The following EPB41L2 variants were observed in gnomAD, a reference collection of about 807,000 sequenced individuals.
The protein encoded by EPB41L2 is band 4.1-like protein 2.
Under a neutral mutation model 113.0 loss-of-function variants are expected in EPB41L2, and 43 were observed. That is an observed-to-expected ratio of 0.38 (90% CI 0.30 to 0.49). EPB41L2 has a LOEUF of 0.49. EPB41L2 is among the 20% of genes least tolerant of loss of function. The pLI is 0.95. For missense variants in EPB41L2, 1,147 were observed against 1,223.4 expected (o/e 0.94, Z 0.93); for synonymous variants, 442 against 436.7 (o/e 1.01, Z -0.15).
intron 1 of EPB41L2, among the ~76,000 whole-genome samples, chr6:131,035,515 C>T (rs1332491): frequency 0.8 from 121,447 of 152,156 alleles, 48,846 homozygotes; most frequent in African/African-American, 0.88. Flanking sequence ...ATCTTTCCAA[C>T]TGAAGTCAAT....
At chr6:130,961,563 A>T (rs1206032273) in intron 1 of EPB41L2, among the ~76,000 whole-genome samples, 1 of 152,222 alleles carries the variant, frequency 6.6e-6, no homozygotes, top group Non-Finnish European at 1.5e-5. Context: ...AGAATACTAC[A>T]GCAAGCAAAG....
intron 3 of EPB41L2, among the ~76,000 whole-genome samples, chr6:130,927,078 G>A (rs989038182): frequency 6.6e-6 from 1 of 152,038 alleles, no homozygotes; most frequent in African/African-American, 2.4e-5. Context: ...CTACTCCCCA[G>A]GAAAATCATT....
In EPB41L2 at chr6:131,017,522, A is replaced by C. The variant is rs138388854; in HGVS notation, c.-15+45633T>G. ...TATGTTAATATATGTAGCTCTATGT[A>C]GTTCATATGCAGCTCACTCATTTTA... On this transcript the variant is annotated intron_variant, in intron 1 of 19. Transcript: ENST00000337057. Among the ~76,000 whole-genome samples, 259 of 152,316 alleles carry C rather than the reference A, an allele frequency of 1.7e-3. 1 individual carries two copies. The highest frequency in any genetic ancestry group is 2.7e-3 in the Non-Finnish European group (181 of 68,020).
chr6:130,872,267 T>C lies in EPB41L2; in HGVS notation c.2044-2141A>G, dbSNP rs1165664919. On this transcript the variant is annotated intron_variant, in intron 14 of 19. Coordinates refer to ENST00000337057, the MANE Select transcript of EPB41L2 (RefSeq NM_001431.4). ...ATGTTTCTCCCAGGAAGAATTAATT[T>C]CACCAATGAAAGCACTGGAGGGAAT... 1.9e-5 allele frequency: 16 copies of C among 860,982 alleles called. No homozygotes were observed. In the East Asian group the frequency reaches 4.4e-4, roughly 24 times the overall value. 53.3% of individuals were successfully genotyped at this position (860,982 alleles called of 1,614,324 possible).
chr6:130,942,436 G>T (rs1339515900), intron 3 of EPB41L2, among the ~76,000 whole-genome samples: 1 of 152,106 alleles, frequency 6.6e-6, no homozygotes, highest in Non-Finnish European at 1.5e-5. Context: ...CAATAGAAAA[G>T]AAATCAAAGA....
At chr6:131,007,493 C>T (rs58565651) in intron 1 of EPB41L2, among the ~76,000 whole-genome samples, 4,009 of 152,042 alleles carry the variant, frequency 0.026, 194 homozygotes, top group African/African-American at 0.092. Flanking sequence ...TAAAGATAAC[C>T]GAAAATGTGG....
Position 130,840,815 on chromosome 6 carries a change from G to A in EPB41L2, c.*6-217C>T, listed in dbSNP as rs550089984. ...AAATACCTGGAGAATTGACAAGTAC[G>A]CTAGAAGCAACTGGCAAATAAGAGT... On this transcript the variant is annotated intron_variant, in intron 19 of 19. Transcript: ENST00000337057. Among the ~76,000 whole-genome samples the A allele has an allele frequency of 4.6e-5, 7 of 152,250 alleles. No individual in the cohort carries two copies. In the South Asian group the frequency reaches 8.3e-4, roughly 18 times the overall value.
chr6:131,021,519 G>A (rs552377820), intron 1 of EPB41L2, among the ~76,000 whole-genome samples: 1 of 152,224 alleles, frequency 6.6e-6, no homozygotes, highest in South Asian at 2.1e-4. Flanking sequence ...AAATTAGGCA[G>A]GCGTGGTGGC....
intron 1 of EPB41L2, among the ~76,000 whole-genome samples, chr6:130,981,621 T>G (rs1779397527): frequency 6.6e-6 from 1 of 152,234 alleles, no homozygotes; most frequent in Non-Finnish European, 1.5e-5. Flanking sequence ...AAGGCACAGC[T>G]GCAAGACATC....
At chr6:130,969,675 A>C (rs937749758) in intron 1 of EPB41L2, among the ~76,000 whole-genome samples, 1 of 152,208 alleles carries the variant, frequency 6.6e-6, no homozygotes, top group Non-Finnish European at 1.5e-5. Context: ...CTGTGAACTC[A>C]AATCTCTGAT....
chr6:130,951,944 G>C (rs1815267159), intron 3 of EPB41L2, among the ~76,000 whole-genome samples: 1 of 152,076 alleles, frequency 6.6e-6, no homozygotes, highest in Non-Finnish European at 1.5e-5. Context: ...GTGTGGAAAA[G>C]AGCCATAACA....
intron 1 of EPB41L2, among the ~76,000 whole-genome samples, chr6:130,994,157 C>A (rs1036527079): frequency 6.6e-6 from 1 of 152,108 alleles, no homozygotes; most frequent in Non-Finnish European, 1.5e-5. Context: ...GCAGAGTAAG[C>A]AGGATGCTAA....
At position 130,850,927 on chromosome 6, in the gene EPB41L2, A is replaced by G. The variant is rs919841322; in HGVS notation, c.*5+7204T>C. Among the ~76,000 whole-genome samples the G allele has an allele frequency of 5.9e-5, 9 of 152,228 alleles. No homozygotes were observed. In the East Asian group the frequency reaches 1.7e-3, roughly 29 times the overall value. ...TAGCAATGTTAAATGAGAACATTCC[A>G]CAGCATTTCAGAGTGAAAACTGGCT... On this transcript the variant is annotated intron_variant, in intron 19 of 19. Transcript: ENST00000337057.
intron 18 of EPB41L2, among the ~76,000 whole-genome samples, chr6:130,859,005 C>G (rs972857030): frequency 6.6e-6 from 1 of 152,184 alleles, no homozygotes; most frequent in African/African-American, 2.4e-5. Flanking sequence ...GCAGGGAGGA[C>G]CCAGAGGGCT....
intron 1 of EPB41L2, among the ~76,000 whole-genome samples, chr6:130,993,484 T>A (rs1284623828): frequency 6.6e-6 from 1 of 152,144 alleles, no homozygotes; most frequent in Non-Finnish European, 1.5e-5. Context: ...AGCGCCTGGG[T>A]GCAGGTGGGC....
chr6:131,029,391 T>TTTAA (rs1212571779), intron 1 of EPB41L2, among the ~76,000 whole-genome samples: 1 of 119,472 alleles, frequency 8.4e-6, no homozygotes, highest in African/African-American at 3.3e-5. Context: ...AGCATTTGTT[T>TTTAA]AAAAAAAAAA....
At chr6:130,962,421 A>T (rs893420344) in intron 1 of EPB41L2, among the ~76,000 whole-genome samples, 4 of 152,204 alleles carry the variant, frequency 2.6e-5, no homozygotes, top group African/African-American at 9.6e-5. Flanking sequence ...CTTAAGTGTC[A>T]GATGGTCTAG....
At chr6:130,897,754 C>T (rs1253789193) in intron 8 of EPB41L2, among the ~76,000 whole-genome samples, 2 of 152,162 alleles carry the variant, frequency 1.3e-5, no homozygotes, top group Non-Finnish European at 2.9e-5. Flanking sequence ...TTAAGACAAT[C>T]TGTTTCACCT....
In EPB41L2 at chr6:130,975,192, T is replaced by C. The variant is rs529803256; in HGVS notation, c.-14-18693A>G. Among the ~76,000 whole-genome samples, 11 of 152,360 alleles carry C rather than the reference T, an allele frequency of 7.2e-5. No homozygotes were observed. In the South Asian group the frequency reaches 2.3e-3, roughly 32 times the overall value. ...TCTTAATATTCAAACATTGTTATTATATGAATTTATATCTATTACATGTAT... is the reference window on the plus strand; with the variant it reads ...TCTTAATATTCAAACATTGTTATTACATGAATTTATATCTATTACATGTAT... On this transcript the variant is annotated intron_variant, in intron 1 of 19. Coordinates refer to ENST00000337057, the MANE Select transcript of EPB41L2 (RefSeq NM_001431.4).
Sources: allele counts gnomAD v4.1 joint callset (sites outside exome capture counted in the v4.1 genomes callset), GRCh38; gene constraint gnomAD v4.1.1; transcripts MANE v1.5; gene names NCBI Gene and HGNC (gene_info 2026-07-23, HGNC 2026-07-21).